CTIF: variants seen among roughly 807,000 people sequenced by gnomAD.
CTIF encodes the protein CBP80/20-dependent translation initiation factor.
In CTIF, 21 loss-of-function variants were observed where a neutral mutation model predicts 66.0. The observed-to-expected ratio is 0.32, with a 90% CI of 0.23 to 0.46. The LOEUF (loss-of-function observed/expected upper bound fraction) is 0.46. Ranked by LOEUF, CTIF falls within the 20% of genes least tolerant of loss-of-function variation. CTIF has a pLI of 1.00. For synonymous variants in CTIF, 345 were observed against 326.4 expected (o/e 1.06, Z -0.62); for missense variants, 739 against 812.7 (o/e 0.91, Z 1.10).
chr18:48,714,810 A>G (rs1177222345), intron 7 of CTIF, among the ~76,000 whole-genome samples: 1 of 152,338 alleles, frequency 6.6e-6, no homozygotes, highest in Non-Finnish European at 1.5e-5. Flanking sequence ...CTTGCCAATT[A>G]CATCACTTTT....
At chr18:48,737,740 A>G (rs2092516633) in intron 7 of CTIF, among the ~76,000 whole-genome samples, 1 of 152,260 alleles carries the variant, frequency 6.6e-6, no homozygotes, top group Admixed American at 6.5e-5. Context: ...GGGTAAACAT[A>G]AAACCAGTAA....
At chr18:48,693,456 C>T (rs550578763) in intron 6 of CTIF, among the ~76,000 whole-genome samples, 7 of 152,268 alleles carry the variant, frequency 4.6e-5, no homozygotes, top group South Asian at 4.1e-4. Context: ...ACCTGGGCAT[C>T]GAGATGTTTT....
chr18:48,733,431 T>G (rs1253602670), intron 7 of CTIF, among the ~76,000 whole-genome samples: 1 of 152,210 alleles, frequency 6.6e-6, no homozygotes, highest in Non-Finnish European at 1.5e-5. Flanking sequence ...TGCTGACCAC[T>G]GTCTCCAGTG....
chr18:48,779,168 G>A (rs1910979991), intron 9 of CTIF, among the ~76,000 whole-genome samples: 1 of 152,058 alleles, frequency 6.6e-6, no homozygotes. Context: ...CATGTCTGGG[G>A]GTTCCTGTCA....
intron 9 of CTIF, among the ~76,000 whole-genome samples, chr18:48,772,410 A>G (rs58639587): frequency 1.9e-3 from 274 of 147,742 alleles, no homozygotes; most frequent in African/African-American, 6.5e-3. Flanking sequence ...AATGCCCATG[A>G]CCATCCCCCG....
At chr18:48,552,061 C>G (rs1020276641) in intron 1 of CTIF, among the ~76,000 whole-genome samples, 5 of 152,312 alleles carry the variant, frequency 3.3e-5, no homozygotes. Context: ...CTAGGCCTCC[C>G]AAAGTGCTGG....
chr18:48,717,171 G>A (rs1259195609), intron 7 of CTIF, among the ~76,000 whole-genome samples: 1 of 152,148 alleles, frequency 6.6e-6, no homozygotes, highest in Non-Finnish European at 1.5e-5. Context: ...GGCTGAGACG[G>A]GCAGATCACC....
chr18:48,792,516 G>T (rs145223011), intron 9 of CTIF, among the ~76,000 whole-genome samples: 1 of 152,314 alleles, frequency 6.6e-6, no homozygotes, highest in East Asian at 1.9e-4. Context: ...CCAGCCTGGA[G>T]CCTTTAGGGG....
rs371506496 is a variant in CTIF at position 48,717,507 on chromosome 18, A to G, written c.584+5812A>G. Among the ~76,000 whole-genome samples the G allele has an allele frequency of 2.0e-5, 3 of 152,072 alleles. No homozygotes were observed. In the East Asian group the frequency reaches 5.8e-4, roughly 29 times the overall value. ...AACGTGAACCCAGACCCTAAGTGTC[A>G]GTCATCAGATTGGATTTTTCAAGCT... On this transcript the variant is annotated intron_variant, in intron 7 of 11. Coordinates refer to ENST00000256413, the MANE Select transcript of CTIF (RefSeq NM_014772.3).
chr18:48,543,253 G>C (rs762591777), intron 1 of CTIF, among the ~76,000 whole-genome samples: 25 of 152,160 alleles, frequency 1.6e-4, no homozygotes, highest in Non-Finnish European at 2.5e-4. Context: ...ATAGAGAACA[G>C]GAGGTACAAA....
rs573786898 is a variant in CTIF at position 48,837,429 on chromosome 18, G to T, written c.1527+20053G>T. On this transcript the variant is annotated intron_variant, in intron 10 of 11. Transcript: ENST00000256413. The stretch of plus-strand genomic sequence containing the variant: ...TTCTCAGTGCTGCAGGAACTCAGAG[G>T]AGGAGGAGTGGCCTGGGAGCTGGGG... Among the ~76,000 whole-genome samples the T allele has an allele frequency of 5.5e-4, 83 of 152,184 alleles. 2 individuals carry two copies. The highest frequency in any genetic ancestry group is 4.4e-3 in the South Asian group (21 of 4,818).
At chr18:48,737,083 G>A (rs561165643) in intron 7 of CTIF, among the ~76,000 whole-genome samples, 2 of 152,248 alleles carry the variant, frequency 1.3e-5, no homozygotes, top group South Asian at 2.1e-4. Context: ...AGAGAAGCCA[G>A]TGATGGCCCC....
intron 10 of CTIF, among the ~76,000 whole-genome samples, chr18:48,831,648 C>T (rs1568253072): frequency 6.6e-6 from 1 of 152,186 alleles, no homozygotes. Flanking sequence ...AGCAACATGG[C>T]CAGTAACAAT....
intron 7 of CTIF, among the ~76,000 whole-genome samples, chr18:48,718,246 TTAGAC>T (rs2092300133): frequency 6.6e-6 from 1 of 152,214 alleles, no homozygotes; most frequent in African/African-American, 2.4e-5. Context: ...TTTTTGAAAA[TTAGAC>T]TGTGTATACC....
At chr18:48,757,256 T>TCA (rs1038642869) in intron 7 of CTIF, among the ~76,000 whole-genome samples, 248 of 152,286 alleles carry the variant, frequency 1.6e-3, no homozygotes, top group African/African-American at 5.7e-3. Context: ...CCAAATACAG[T>TCA]CACATTCTGA....
chr18:48,632,043 G>A (rs1346180805), intron 2 of CTIF, among the ~76,000 whole-genome samples: 1 of 152,212 alleles, frequency 6.6e-6, no homozygotes, highest in Middle Eastern at 3.2e-3. Flanking sequence ...ACGGGAGGCA[G>A]GAGGTGGTGG....
At chr18:48,550,382 G>A (rs1334006675) in intron 1 of CTIF, among the ~76,000 whole-genome samples, 1 of 152,216 alleles carries the variant, frequency 6.6e-6, no homozygotes, top group Non-Finnish European at 1.5e-5. Context: ...CTCAGCTGTG[G>A]CCTGCACATT....
At chr18:48,714,919 G>T (rs1470962348) in intron 7 of CTIF, among the ~76,000 whole-genome samples, 1 of 152,204 alleles carries the variant, frequency 6.6e-6, no homozygotes, top group African/African-American at 2.4e-5. Context: ...CTTAGTGTTG[G>T]CCCACTCTGC....
chr18:48,735,505 G>A (rs943961302), intron 7 of CTIF, among the ~76,000 whole-genome samples: 5 of 152,302 alleles, frequency 3.3e-5, no homozygotes, highest in East Asian at 1.9e-4. Flanking sequence ...CAGGAAGCAC[G>A]TGGCAGGTGG....
Sources: gnomAD v4.1 joint callset for allele counts (sites outside exome capture counted in the v4.1 genomes callset) on GRCh38, gnomAD v4.1.1 for gene constraint, MANE v1.5 for transcripts, NCBI Gene and HGNC (gene_info 2026-07-23, HGNC 2026-07-21) for gene names.